The following NAT1 variants were observed in gnomAD, a reference collection of about 807,000 sequenced individuals.
The protein encoded by NAT1 is N-acetyltransferase 1, also known as arylamine N-acetyltransferase 1.
For synonymous variants in NAT1, 144 were observed against 122.6 expected (o/e 1.17, Z -1.16); for missense variants, 400 against 339.2 (o/e 1.18, Z -1.41).
chr8:18,178,136 G>A (rs1467848083), intron 2 of NAT1, among the ~76,000 whole-genome samples: 1 of 152,064 alleles, frequency 6.6e-6, no homozygotes, highest in African/African-American at 2.4e-5. Context: ...GACACTGCAG[G>A]GAAGAAATAA....
chr8:18,219,393 C>G lies in NAT1; in HGVS notation c.-85-18C>G, dbSNP rs1234238679. The G allele has an allele frequency of 1.3e-6, 2 of 1,519,992 alleles. No homozygotes were observed. Among genetic ancestry groups the G allele is most frequent in the African/African-American group, 1.4e-5 (1 of 71,936 alleles). 94.2% of individuals were successfully genotyped at this position (1,519,992 alleles called of 1,614,324 possible). ...AGTCATGTTATATATTTCTGACTGT[C>G]TTTTCTCTTATTTCTAGAATTCAAG... On this transcript the variant is annotated intron_variant, in intron 1 of 2. Coordinates refer to ENST00000307719, the MANE Select transcript of NAT1 (RefSeq NM_000662.8).
intron 2 of NAT1, among the ~76,000 whole-genome samples, chr8:18,199,549 C>T (rs73666898): frequency 0.033 from 5,015 of 152,130 alleles, 168 homozygotes; most frequent in African/African-American, 0.089. Context: ...GCCTTCCTTG[C>T]GGAGTTCCAA....
rs868623536 is a variant in NAT1 at position 18,222,054 on chromosome 8, A to C, written c.7A>C (p.Ile3Leu). The C allele has an allele frequency of 6.8e-6, 11 of 1,611,860 alleles. No homozygotes were observed. Among genetic ancestry groups the C allele is most frequent in the Non-Finnish European group, 9.3e-6 (11 of 1,178,708 alleles). The change falls in exon 3 of 3, where the codon ATT (isoleucine) becomes CTT (leucine). Residue 3 changes from isoleucine (I) to leucine (L), a missense_variant. Physicochemically the swap from Ile to Leu is conservative, Grantham distance 5. Coordinates refer to ENST00000307719, the MANE Select transcript of NAT1 (RefSeq NM_000662.8). MD[I>L]EAYLERIGYK... is the part of the protein sequence containing the mutation. The stretch of plus-strand genomic sequence containing the variant: ...TTTCCTTGCTTAGGGGATCATGGAC[A>C]TTGAAGCATATCTTGAAAGAATTGG...
chr8:18,171,932 A>C (rs1198589258), intron 2 of NAT1, among the ~76,000 whole-genome samples: 2 of 152,236 alleles, frequency 1.3e-5, no homozygotes. Context: ...TTTTTCTTGC[A>C]TGTTCCACAT....
intron 2 of NAT1, among the ~76,000 whole-genome samples, chr8:18,184,055 C>T (rs913546856): frequency 3.3e-5 from 5 of 152,010 alleles, no homozygotes; most frequent in Admixed American, 3.3e-4. Context: ...GTGGGGGGGT[C>T]CCTGTTCCCA....
chr8:18,184,235 T>G (rs188884051), intron 2 of NAT1, among the ~76,000 whole-genome samples: 2 of 152,158 alleles, frequency 1.3e-5, no homozygotes, highest in African/African-American at 2.4e-5. Context: ...TAGAACCACA[T>G]AGATGCCTCG....
intron 2 of NAT1, among the ~76,000 whole-genome samples, chr8:18,183,884 C>A (rs1200523858): frequency 6.6e-6 from 1 of 152,192 alleles, no homozygotes; most frequent in Non-Finnish European, 1.5e-5. Context: ...TTCAGACACA[C>A]TTGGGTTGAC....
chr8:18,223,001 C>T lies in NAT1; in HGVS notation c.*81C>T. ...GACGACCTATCATGTATCTTCTGTACCCTTACCTTATTTTGAAGAAAATCC... is the reference window on the plus strand; with the variant it reads ...GACGACCTATCATGTATCTTCTGTATCCTTACCTTATTTTGAAGAAAATCC... On this transcript the variant is annotated 3_prime_UTR_variant, in exon 3 of 3. Transcript: ENST00000307719. The T allele has an allele frequency of 8.8e-7, 1 of 1,138,992 alleles. No individual in the cohort carries two copies. The highest frequency in any genetic ancestry group is 3.1e-5 in the South Asian group (1 of 31,790). The allele number at this position is 1,138,992 out of a possible 1,614,324, so 70.6% of individuals were successfully genotyped here. A position where few individuals can be genotyped will look rare whatever the true frequency, so the allele number is the denominator to read the frequency against.
At chr8:18,178,290 A>G (rs1265471643) in intron 2 of NAT1, among the ~76,000 whole-genome samples, 1 of 143,168 alleles carries the variant, frequency 7.0e-6, no homozygotes, top group East Asian at 1.9e-4. Flanking sequence ...CTTCTTAGAC[A>G]GCATTCCTTC....
At chr8:18,219,596 C>T (rs1805076731) in intron 2 of NAT1, 107 bp downstream of exon 2, 3 of 611,212 alleles carry the variant, frequency 4.9e-6, no homozygotes, top group South Asian at 4.4e-5. Context: ...GGATGTATCA[C>T]TGCACAGAGA....
intron 2 of NAT1, among the ~76,000 whole-genome samples, chr8:18,183,494 CA>C (rs1379676290): frequency 6.6e-6 from 1 of 152,152 alleles, no homozygotes; most frequent in Admixed American, 6.5e-5. Context: ...GGCAGATATT[CA>C]GAAGAAGCCG....
chr8:18,208,583 C>A (rs11203942), upstream of NAT1, among the ~76,000 whole-genome samples: 1 of 152,028 alleles, frequency 6.6e-6, no homozygotes, highest in Non-Finnish European at 1.5e-5. Context: ...CCTTCCAGTA[C>A]TCATTCCCCT....
At chr8:18,172,207 C>G (rs566149362) in intron 2 of NAT1, among the ~76,000 whole-genome samples, 3 of 151,944 alleles carry the variant, frequency 2.0e-5, no homozygotes, top group Non-Finnish European at 4.4e-5. Context: ...GGGTCTTAAG[C>G]CAAACACTAG....
At chr8:18,208,525 G>A (rs1482944258), upstream of NAT1, among the ~76,000 whole-genome samples, 1 of 152,084 alleles carries the variant, frequency 6.6e-6, no homozygotes, top group Non-Finnish European at 1.5e-5. Context: ...CATCATAATA[G>A]CATCAAAAAG....
upstream of NAT1, among the ~76,000 whole-genome samples, chr8:18,209,040 G>C (rs1029443633): frequency 3.3e-5 from 5 of 152,232 alleles, no homozygotes; most frequent in Non-Finnish European, 7.3e-5. Context: ...AGCTACCTGT[G>C]AACAAAGGGA....
chr8:18,208,976 C>T (rs1253393275), upstream of NAT1, among the ~76,000 whole-genome samples: 3 of 149,078 alleles, frequency 2.0e-5, no homozygotes, highest in South Asian at 2.1e-4. Context: ...GGAGTTGTCG[C>T]GGGACAGTGA....
At chr8:18,180,341 T>C (rs939720713) in intron 2 of NAT1, among the ~76,000 whole-genome samples, 3 of 152,052 alleles carry the variant, frequency 2.0e-5, no homozygotes, top group African/African-American at 4.8e-5. Context: ...GGTTGAGAAA[T>C]GGTTTTTGCA....
rs768034302 is a variant in NAT1, at chr8:18,222,793, A to G, written c.746A>G (p.Asn249Ser). The change falls in exon 3 of 3, where the codon AAT becomes AGT. Residue 249 changes from asparagine (N) to serine (S), a missense_variant. Transcript: ENST00000307719. ...CATAGGAGATTCAATTATAAGGACAATACAGATCTAATAGAGTTCAAGACT... is the reference window on the plus strand; with the variant it reads ...CATAGGAGATTCAATTATAAGGACAGTACAGATCTAATAGAGTTCAAGACT... ...LTHRRFNYKD[N>S]TDLIEFKTLS... 8 of 1,613,544 alleles carry G rather than the reference A, an allele frequency of 5.0e-6. No individual in the cohort carries two copies. The Admixed American group carries it at 5.0e-5, about 10-fold the overall frequency.
At chr8:18,179,237 G>A (rs1346611508) in intron 2 of NAT1, among the ~76,000 whole-genome samples, 1 of 152,074 alleles carries the variant, frequency 6.6e-6, no homozygotes. Flanking sequence ...CCAGTTCCAG[G>A]ACACTCTTCA....
Sources: allele counts gnomAD v4.1 joint callset (sites outside exome capture counted in the v4.1 genomes callset), GRCh38; gene constraint gnomAD v4.1.1; transcripts MANE v1.5; gene names NCBI Gene and HGNC (gene_info 2026-07-23, HGNC 2026-07-21).